The following ANOS1 variants were observed in gnomAD, a reference collection of about 807,000 sequenced individuals.
ANOS1 encodes the protein anosmin-1.
A neutral mutation model predicts 59.0 loss-of-function variants in ANOS1; 6 were observed. The ratio of observed to expected loss-of-function variants is 0.10; its 90% CI spans 0.06 to 0.20. ANOS1 has a LOEUF of 0.20. ANOS1 is among the 10% of genes least tolerant of loss of function. The pLI is 1.00. For synonymous variants in ANOS1, 217 were observed against 223.4 expected (o/e 0.97, Z 0.25); for missense variants, 433 against 542.3 (o/e 0.80, Z 2.00).
intron 2 of ANOS1, among the ~76,000 whole-genome samples, chrX:8,641,989 A>C (rs1931673183): frequency 9.0e-6 from 1 of 111,575 alleles, no homozygotes; most frequent in Non-Finnish European, 1.9e-5. Context: ...TTTATGTATA[A>C]AATCTCAGAA....
At chrX:8,673,448 T>C (rs1276179896) in intron 2 of ANOS1, among the ~76,000 whole-genome samples, 2 of 108,638 alleles carry the variant, frequency 1.8e-5, no homozygotes, top group African/African-American at 3.4e-5. Flanking sequence ...CTACAACCTT[T>C]ATGGAAAAGG....
At chrX:8,720,727 C>T (rs994270414) in intron 1 of ANOS1, among the ~76,000 whole-genome samples, 7 of 110,418 alleles carry the variant, frequency 6.3e-5, no homozygotes, top group Non-Finnish European at 1.3e-4. Flanking sequence ...CATAGCAAGA[C>T]CCCATCTCTG....
chrX:8,704,832 C>T (rs1336788790), intron 1 of ANOS1, among the ~76,000 whole-genome samples: 1 of 111,583 alleles, frequency 9.0e-6, no homozygotes, highest in Non-Finnish European at 1.9e-5. Flanking sequence ...ATTATATTGT[C>T]TTTAGCAGTT....
chrX:8,720,063 C>G (rs1294704899), intron 1 of ANOS1, among the ~76,000 whole-genome samples: 1 of 111,634 alleles, frequency 9.0e-6, no homozygotes, highest in Non-Finnish European at 1.9e-5. Context: ...TGAAAGATTT[C>G]CTCATTGCCT....
chrX:8,595,756 A>G (rs1930723492), intron 4 of ANOS1, among the ~76,000 whole-genome samples: 1 of 111,246 alleles, frequency 9.0e-6, no homozygotes, highest in Non-Finnish European at 1.9e-5. Flanking sequence ...GACTGACTCT[A>G]TATTAGGGGT....
intron 2 of ANOS1, among the ~76,000 whole-genome samples, chrX:8,662,825 C>T (rs1035314310): frequency 2.7e-5 from 3 of 111,346 alleles, no homozygotes; most frequent in Non-Finnish European, 5.7e-5. Flanking sequence ...AGTTCGAGAT[C>T]AGTCTGGCCA....
intron 7 of ANOS1, among the ~76,000 whole-genome samples, chrX:8,569,424 CG>C (rs1930181161): frequency 1.8e-5 from 2 of 112,385 alleles, no homozygotes; most frequent in African/African-American, 6.5e-5. Context: ...GGGCGGATCA[CG>C]AGGTCAGGAG....
intron 2 of ANOS1, among the ~76,000 whole-genome samples, chrX:8,683,488 T>C (rs1932458669): frequency 9.0e-6 from 1 of 110,760 alleles, no homozygotes; most frequent in Non-Finnish European, 1.9e-5. Flanking sequence ...TCAGGACACA[T>C]CAATGTCAAG....
rs150542869 is a variant in ANOS1, at chrX:8,599,430, T to C, written c.319-2174A>G. On this transcript the variant is annotated intron_variant, in intron 3 of 13. Coordinates refer to ENST00000262648, the MANE Select transcript of ANOS1 (RefSeq NM_000216.4). ...GTGATCCCTAACCAGGGCTCATTACTGGTAACATCTGGAAACACCTGGGTT... is the reference window on the plus strand; with the variant it reads ...GTGATCCCTAACCAGGGCTCATTACCGGTAACATCTGGAAACACCTGGGTT... Among the ~76,000 whole-genome samples the C allele has an allele frequency of 2.2e-3, 243 of 111,605 alleles. 1 individual carries two copies. Among genetic ancestry groups the C allele is most frequent in the Admixed American group, 4.4e-3 (46 of 10,567 alleles).
chrX:8,672,438 G>C (rs1932272350), intron 2 of ANOS1, among the ~76,000 whole-genome samples: 1 of 112,477 alleles, frequency 8.9e-6, no homozygotes, highest in Non-Finnish European at 1.9e-5. Flanking sequence ...CCCTGAATTG[G>C]CTTGAAGCAG....
intron 2 of ANOS1, among the ~76,000 whole-genome samples, chrX:8,628,479 C>G (rs941032098): frequency 9.0e-6 from 1 of 111,640 alleles, no homozygotes; most frequent in Non-Finnish European, 1.9e-5. Context: ...TGCATGAAGC[C>G]AAGAACCCAT....
intron 1 of ANOS1, among the ~76,000 whole-genome samples, chrX:8,706,971 G>A (rs368618449): frequency 9.0e-6 from 1 of 111,379 alleles, no homozygotes; most frequent in African/African-American, 3.3e-5. Flanking sequence ...AAGAAAATGC[G>A]ACTTCAACCA....
At chrX:8,696,294 T>A (rs1490106221) in intron 2 of ANOS1, among the ~76,000 whole-genome samples, 1 of 112,434 alleles carries the variant, frequency 8.9e-6, no homozygotes, top group Non-Finnish European at 1.9e-5. Flanking sequence ...AAAAGAGGCA[T>A]TTTGAAATTT....
At chrX:8,548,254 T>C (rs752498473) in intron 9 of ANOS1, among the ~76,000 whole-genome samples, 85 of 112,176 alleles carry the variant, frequency 7.6e-4, no homozygotes, top group Non-Finnish European at 1.4e-3. Context: ...AGGATTTGTG[T>C]AGGAAAATTA....
chrX:8,537,479 A>T (rs1186123833), intron 10 of ANOS1, among the ~76,000 whole-genome samples: 1 of 112,098 alleles, frequency 8.9e-6, no homozygotes, highest in Non-Finnish European at 1.9e-5. Flanking sequence ...ACGGGCTAAG[A>T]ATATAACTTT....
intron 8 of ANOS1, among the ~76,000 whole-genome samples, chrX:8,561,657 G>C (rs955746740): frequency 2.8e-5 from 3 of 108,240 alleles, no homozygotes; most frequent in African/African-American, 1.0e-4. Flanking sequence ...ATGTTGCCCA[G>C]GCTGGTTTCC....
At chrX:8,663,702 A>G (rs1382253817) in intron 2 of ANOS1, among the ~76,000 whole-genome samples, 1 of 111,677 alleles carries the variant, frequency 9.0e-6, no homozygotes, top group Non-Finnish European at 1.9e-5. Flanking sequence ...TGAAGAGGTA[A>G]CTATGCCTGC....
intron 2 of ANOS1, among the ~76,000 whole-genome samples, chrX:8,637,230 G>A (rs1221012276): frequency 8.9e-6 from 1 of 112,031 alleles, no homozygotes; most frequent in Admixed American, 9.5e-5. Context: ...GGGTTTAGAA[G>A]AGCCTCCTTC....
intron 9 of ANOS1, among the ~76,000 whole-genome samples, chrX:8,550,562 A>G (rs1929840027): frequency 8.9e-6 from 1 of 111,835 alleles, no homozygotes; most frequent in Non-Finnish European, 1.9e-5. Context: ...AATAAAAACT[A>G]GAGGACTATC....
Sources: gnomAD v4.1 joint callset for allele counts (sites outside exome capture counted in the v4.1 genomes callset) on GRCh38, gnomAD v4.1.1 for gene constraint, MANE v1.5 for transcripts, NCBI Gene and HGNC (gene_info 2026-07-23, HGNC 2026-07-21) for gene names.